Variants in RCSD1 observed in about 807,000 individuals in gnomAD.
RCSD1 encodes the protein RCSD domain containing 1, also known as capZ-interacting protein.
Under a neutral mutation model 42.5 loss-of-function variants are expected in RCSD1, and 26 were observed. The observed-to-expected ratio is 0.61, with a 90% CI of 0.45 to 0.85. The LOEUF (loss-of-function observed/expected upper bound fraction) is 0.85. Ranked by LOEUF, RCSD1 falls within the 40% of genes least tolerant of loss-of-function variation. The pLI, the probability that RCSD1 is intolerant of heterozygous loss-of-function variation, is 0.00. For synonymous variants in RCSD1, 220 were observed against 212.2 expected (o/e 1.04, Z -0.32); for missense variants, 571 against 528.3 (o/e 1.08, Z -0.79).
intron 1 of RCSD1, among the ~76,000 whole-genome samples, chr1:167,681,841 C>T (rs748937969): frequency 4.6e-5 from 7 of 152,200 alleles, no homozygotes; most frequent in South Asian, 2.1e-4. Context: ...GCCTCTCTCT[C>T]GTTGTTCCAT....
intron 1 of RCSD1, among the ~76,000 whole-genome samples, chr1:167,656,744 A>G (rs1658433610): frequency 6.6e-6 from 1 of 152,198 alleles, no homozygotes; most frequent in Non-Finnish European, 1.5e-5. Context: ...CCTCCTCTAA[A>G]TGATGGGAGA....
chr1:167,664,550 T>G (rs1225326312), intron 1 of RCSD1: 4 of 152,196 alleles, frequency 2.6e-5, no homozygotes, highest in Non-Finnish European at 5.9e-5. Context: ...CATTGATGAG[T>G]GTTGACAAAT....
chr1:167,708,516 A>G lies in RCSD1; in HGVS notation c.*3820A>G, dbSNP rs1183888321. 5.3e-5 allele frequency among the ~76,000 whole-genome samples: 8 copies of G among 152,208 alleles called. No individual in the cohort carries two copies. ...AACAAAATCCAAATGCTCACATAAA[A>G]TGGGATTAGGTTTCATAAGCCACCC... On this transcript the variant is annotated 3_prime_UTR_variant, in exon 7 of 7. Transcript: ENST00000367854.
intron 1 of RCSD1, among the ~76,000 whole-genome samples, chr1:167,679,020 C>A (rs536123729): frequency 1.3e-5 from 2 of 152,196 alleles, no homozygotes; most frequent in Non-Finnish European, 2.9e-5. Context: ...CGCTGTGTAC[C>A]TGTTTATTGC....
chr1:167,681,698 G>A (rs1659085626), intron 1 of RCSD1, among the ~76,000 whole-genome samples: 1 of 152,186 alleles, frequency 6.6e-6, no homozygotes, highest in Non-Finnish European at 1.5e-5. Flanking sequence ...CACACTGTCA[G>A]CAGGACCCAA....
chr1:167,683,713 C>T (rs577589286), intron 1 of RCSD1, among the ~76,000 whole-genome samples, 187 bp from the exon 2 acceptor site: 24 of 152,312 alleles, frequency 1.6e-4, no homozygotes, highest in African/African-American at 5.8e-4. Flanking sequence ...GGGCCAAGAG[C>T]ATTGTAGATA....
chr1:167,679,403 T>A (rs75167046), intron 1 of RCSD1, among the ~76,000 whole-genome samples: 12,910 of 152,318 alleles, frequency 0.085, 773 homozygotes, highest in Non-Finnish European at 0.13. Flanking sequence ...CCTAGGATAG[T>A]AATGGTCAAA....
intron 3 of RCSD1, 115 bp downstream of exon 3, chr1:167,685,625 A>G (rs1659215368): frequency 1.3e-6 from 1 of 769,810 alleles, no homozygotes; most frequent in African/African-American, 1.8e-5. Flanking sequence ...GACTCTGTGC[A>G]GGGAATTTCT....
intron 1 of RCSD1, among the ~76,000 whole-genome samples, chr1:167,646,261 C>T (rs528258325): frequency 3.3e-5 from 5 of 152,118 alleles, no homozygotes; most frequent in African/African-American, 7.2e-5. Context: ...TGGGCCAAGG[C>T]GCAGCTGGGT....
chr1:167,649,549 A>G (rs902171352), intron 1 of RCSD1, among the ~76,000 whole-genome samples: 5 of 152,236 alleles, frequency 3.3e-5, no homozygotes, highest in Non-Finnish European at 7.3e-5. Context: ...GCAGAAAGTT[A>G]CATAACCAGA....
intron 1 of RCSD1, among the ~76,000 whole-genome samples, chr1:167,666,351 GAGATCATCTTAGC>G (rs1658656075): frequency 6.6e-6 from 1 of 152,220 alleles, no homozygotes; most frequent in South Asian, 2.1e-4. Context: ...GGGATTCAAT[GAGATCATCTTAGC>G]ACAGTACCTG....
intron 6 of RCSD1, among the ~76,000 whole-genome samples, chr1:167,703,529 A>T (rs908732505): frequency 6.6e-6 from 1 of 152,106 alleles, no homozygotes; most frequent in Non-Finnish European, 1.5e-5. Context: ...TATCTCTACA[A>T]TCACAACTCA....
intron 6 of RCSD1, among the ~76,000 whole-genome samples, chr1:167,702,042 T>C (rs1022813526): frequency 1.3e-5 from 2 of 152,242 alleles, no homozygotes; most frequent in African/African-American, 4.8e-5. Flanking sequence ...AAACTAATTA[T>C]GGTTGCATTC....
chr1:167,691,797 G>A (rs1659383412), intron 4 of RCSD1, among the ~76,000 whole-genome samples: 2 of 152,182 alleles, frequency 1.3e-5, no homozygotes, highest in Non-Finnish European at 2.9e-5. Flanking sequence ...AATTCAAACT[G>A]AGAAGCCCTG....
chr1:167,700,646 G>A (rs1302769712), intron 6 of RCSD1, among the ~76,000 whole-genome samples: 10 of 145,148 alleles, frequency 6.9e-5, no homozygotes, highest in Admixed American at 3.4e-4. Context: ...GCAAGATTCC[G>A]TCTCAAAAAA....
chr1:167,655,303 G>A (rs1474080127), intron 1 of RCSD1, among the ~76,000 whole-genome samples: 1 of 152,204 alleles, frequency 6.6e-6, no homozygotes, highest in Non-Finnish European at 1.5e-5. Flanking sequence ...GCTTTGCAGA[G>A]AGGAAATGGC....
At position 167,702,595 on chromosome 1, in the gene RCSD1, A is replaced by G. The variant is rs146250100; in HGVS notation, c.1219-2069A>G. 6.8e-3 allele frequency among the ~76,000 whole-genome samples: 1,037 copies of G among 152,276 alleles called. 10 individuals are homozygous for G. The highest frequency in any genetic ancestry group is 0.024 in the African/African-American group (983 of 41,554). On this transcript the variant is annotated intron_variant, in intron 6 of 6. Coordinates refer to ENST00000367854, the MANE Select transcript of RCSD1 (RefSeq NM_052862.4). Reference sequence around the variant, plus strand: ...GGAGTTCAAGATCAGCCTGGCCAACATGGTGAAACCCTGTCTCTACTAAAA... The same window carrying G: ...GGAGTTCAAGATCAGCCTGGCCAACGTGGTGAAACCCTGTCTCTACTAAAA...
At chr1:167,682,638 A>G (rs1049884919) in intron 1 of RCSD1, among the ~76,000 whole-genome samples, 1 of 150,308 alleles carries the variant, frequency 6.7e-6, no homozygotes, top group African/African-American at 2.5e-5. Context: ...CAGAGACACC[A>G]CTTTTAGCAC....
At chr1:167,699,145 A>G (rs1054366283) in intron 6 of RCSD1, among the ~76,000 whole-genome samples, 3 of 151,906 alleles carry the variant, frequency 2.0e-5, no homozygotes, top group Non-Finnish European at 4.4e-5. Flanking sequence ...CCCCCTGCGT[A>G]TATAATCCAT....
Sources: allele counts gnomAD v4.1 joint callset (sites outside exome capture counted in the v4.1 genomes callset), GRCh38; gene constraint gnomAD v4.1.1; transcripts MANE v1.5; gene names NCBI Gene and HGNC (gene_info 2026-07-23, HGNC 2026-07-21).